WDR7: variants seen among roughly 807,000 people sequenced by gnomAD.
WDR7 encodes WD repeat domain 7.
WDR7 carries 46 observed loss-of-function variants against 169.4 expected under a neutral mutation model. The ratio of observed to expected loss-of-function variants is 0.27; its 90% confidence interval spans 0.21 to 0.35. The LOEUF is 0.35. Among genes scored for constraint, WDR7 ranks in the 10% least tolerant of loss-of-function variants. The pLI is 1.00. For missense variants in WDR7, 1,534 were observed against 1,859.3 expected, an observed-to-expected ratio of 0.83 and a Z score of 3.22; for synonymous variants, 612 against 666.8, an observed-to-expected ratio of 0.92 and a Z score of 1.27.
At chr18:56,923,749 C>T (rs1227359233) in intron 21 of WDR7, among the ~76,000 whole-genome samples, 173 bp from the exon 22 acceptor site, 2 of 152,182 alleles carry the variant, frequency 1.3e-5, no homozygotes, top group Non-Finnish European at 2.9e-5. Flanking sequence ...CTTTTCTCTT[C>T]AAAGAATGTG....
intron 26 of WDR7, among the ~76,000 whole-genome samples, chr18:56,999,844 T>C (rs2047949979): frequency 6.6e-6 from 1 of 152,102 alleles, no homozygotes; most frequent in Non-Finnish European, 1.5e-5. Flanking sequence ...AAAACCCCCC[T>C]AGAGAACGGA....
At chr18:56,686,123 G>T in intron 6 of WDR7, 91 bp downstream of exon 6, 2 of 1,053,596 alleles carry the variant, frequency 1.9e-6, no homozygotes, top group Non-Finnish European at 2.7e-6. Flanking sequence ...TTTTTTTTAA[G>T]GGGGAAGGAA....
chr18:56,913,396 T>C (rs2046579443), intron 21 of WDR7, among the ~76,000 whole-genome samples: 1 of 152,210 alleles, frequency 6.6e-6, no homozygotes, highest in Non-Finnish European at 1.5e-5. Context: ...TAATTGTTTA[T>C]GCCCAATTTT....
chr18:56,991,349 G>A (rs889106156), intron 26 of WDR7, among the ~76,000 whole-genome samples: 1 of 152,046 alleles, frequency 6.6e-6, no homozygotes, highest in Non-Finnish European at 1.5e-5. Context: ...GTTTCACCGT[G>A]TTAGCCAGGA....
At chr18:57,010,572 T>C (rs939160454) in intron 26 of WDR7, among the ~76,000 whole-genome samples, 1 of 152,218 alleles carries the variant, frequency 6.6e-6, no homozygotes, top group Non-Finnish European at 1.5e-5. Context: ...GATCATATAA[T>C]ATATTAACTT....
intron 19 of WDR7, among the ~76,000 whole-genome samples, chr18:56,800,787 C>T (rs754668447): frequency 1.1e-4 from 16 of 152,142 alleles, no homozygotes; most frequent in Non-Finnish European, 2.1e-4. Flanking sequence ...AAAGCACTTT[C>T]TTACTTTCTG....
chr18:56,656,455 A>G (rs1448058098), intron 1 of WDR7, among the ~76,000 whole-genome samples: 3 of 151,282 alleles, frequency 2.0e-5, no homozygotes, highest in Non-Finnish European at 2.9e-5. Context: ...AATTTTTTGC[A>G]TTTTAGTAGA....
intron 16 of WDR7, among the ~76,000 whole-genome samples, chr18:56,763,453 A>G (rs563818089): frequency 6.6e-6 from 1 of 152,328 alleles, no homozygotes; most frequent in South Asian, 2.1e-4. Context: ...TATAGACCAC[A>G]TTTTGAATTA....
chr18:56,901,826 A>G (rs2046406376), intron 21 of WDR7, among the ~76,000 whole-genome samples: 3 of 152,112 alleles, frequency 2.0e-5, no homozygotes, highest in African/African-American at 7.2e-5. Context: ...TGTATGTTGT[A>G]AAATGTTGGA....
At chr18:56,851,886 A>C (rs954754489) in intron 20 of WDR7, among the ~76,000 whole-genome samples, 1 of 152,216 alleles carries the variant, frequency 6.6e-6, no homozygotes, top group Non-Finnish European at 1.5e-5. Flanking sequence ...AAATGCTTAT[A>C]AAGTATGGCT....
chr18:56,727,899 C>T (rs952105746), intron 13 of WDR7, among the ~76,000 whole-genome samples: 1 of 152,172 alleles, frequency 6.6e-6, no homozygotes, highest in Non-Finnish European at 1.5e-5. Flanking sequence ...TGTTCCACTA[C>T]AGTCTTTTAC....
At chr18:56,792,537 T>G (rs2044506161) in intron 19 of WDR7, among the ~76,000 whole-genome samples, 1 of 152,096 alleles carries the variant, frequency 6.6e-6, no homozygotes, top group Non-Finnish European at 1.5e-5. Context: ...GGTAGTAAAC[T>G]TACACATGAA....
chr18:56,699,879 C>A lies in WDR7; in HGVS notation c.1578+3417C>A, dbSNP rs537954145. Reference sequence around the variant, plus strand: ...TGGAGATGAGCTCTGAAGACAGACTCCAGACCCCCTTTTCAAACTCCACAT... The same window carrying A: ...TGGAGATGAGCTCTGAAGACAGACTACAGACCCCCTTTTCAAACTCCACAT... On this transcript the variant is annotated intron_variant, in intron 12 of 27. Transcript: ENST00000254442. 6.1e-6 allele frequency: 6 copies of A among 985,316 alleles called. No individual in the cohort carries two copies. The African/African-American group carries it at 1.0e-4, about 17-fold the overall frequency. 61.0% of individuals were successfully genotyped at this position (985,316 alleles called of 1,614,324 possible). A position where few individuals can be genotyped will look rare whatever the true frequency, so the allele number is the denominator to read the frequency against.
chr18:56,992,726 A>T (rs768674129), intron 26 of WDR7, among the ~76,000 whole-genome samples: 9 of 152,214 alleles, frequency 5.9e-5, no homozygotes, highest in Non-Finnish European at 1.3e-4. Flanking sequence ...TTTCTGGCGC[A>T]TTGTCTTCCT....
At chr18:56,964,764 A>G (rs2047383666) in intron 26 of WDR7, among the ~76,000 whole-genome samples, 2 of 152,082 alleles carry the variant, frequency 1.3e-5, no homozygotes, top group South Asian at 4.2e-4. Context: ...TTACCAACCC[A>G]AATTATTGAA....
At chr18:56,952,778 CCATGAAAAGA>C (rs1379898307) in intron 25 of WDR7, among the ~76,000 whole-genome samples, 4 of 152,054 alleles carry the variant, frequency 2.6e-5, no homozygotes, top group African/African-American at 9.7e-5. Context: ...AGCTGTCAAG[CCATGAAAAGA>C]CATGGAGAAA....
intron 20 of WDR7, among the ~76,000 whole-genome samples, chr18:56,870,032 A>G (rs1431836248): frequency 6.6e-6 from 1 of 152,152 alleles, no homozygotes; most frequent in Non-Finnish European, 1.5e-5. Context: ...CTTTCTCCCA[A>G]GCTGGATTAT....
At chr18:56,726,611 G>A (rs2026462082) in intron 13 of WDR7, among the ~76,000 whole-genome samples, 1 of 152,094 alleles carries the variant, frequency 6.6e-6, no homozygotes, top group South Asian at 2.1e-4. Context: ...GGGACAATTT[G>A]ACTTCCTCTT....
At chr18:56,797,344 GACA>G (rs1342854527) in intron 19 of WDR7, among the ~76,000 whole-genome samples, 10 of 152,002 alleles carry the variant, frequency 6.6e-5, no homozygotes, top group Admixed American at 5.9e-4. Context: ...CTGTAAAAAG[GACA>G]ACAACAACAA....
Sources: gnomAD v4.1 joint callset for allele counts (sites outside exome capture counted in the v4.1 genomes callset) on GRCh38, gnomAD v4.1.1 for gene constraint, MANE v1.5 for transcripts, NCBI Gene and HGNC (gene_info 2026-07-23, HGNC 2026-07-21) for gene names.